SRRM4: variants seen among roughly 807,000 people sequenced by gnomAD.
SRRM4 encodes the protein serine/arginine repetitive matrix 4.
A neutral mutation model predicts 68.9 loss-of-function variants in SRRM4; 33 were observed. The ratio of observed to expected loss-of-function variants is 0.48; its 90% CI spans 0.36 to 0.64. SRRM4 has a LOEUF of 0.64. Among genes scored for constraint, SRRM4 ranks in the 30% least tolerant of loss-of-function variants. The pLI, the probability that SRRM4 is intolerant of heterozygous loss-of-function variation, is 0.00. For synonymous variants in SRRM4, 318 were observed against 318.8 expected, an observed-to-expected ratio of 1.00 and a Z score of 0.03; for missense variants, 817 against 827.1, an observed-to-expected ratio of 0.99 and a Z score of 0.15.
chr12:119,112,529 G>C (rs1954151231), intron 2 of SRRM4, among the ~76,000 whole-genome samples: 1 of 152,174 alleles, frequency 6.6e-6, no homozygotes, highest in African/African-American at 2.4e-5. Flanking sequence ...ATTCACAATA[G>C]CAAAGACATG....
At chr12:119,122,276 C>CAGGAAGGA (rs1291077232) in intron 6 of SRRM4, among the ~76,000 whole-genome samples, 156 bp downstream of exon 6, 4 of 87,568 alleles carry the variant, frequency 4.6e-5, no homozygotes, top group African/African-American at 1.3e-4. Flanking sequence ...GGCAGGAAGG[C>CAGGAAGGA]AGGAAGGCAG....
At chr12:119,155,748 TTAATA>T (rs746263550) in intron 12 of SRRM4, among the ~76,000 whole-genome samples, 1 of 152,166 alleles carries the variant, frequency 6.6e-6, no homozygotes, top group African/African-American at 2.4e-5. Flanking sequence ...AAAAATGTAA[TTAATA>T]TAATATAATA....
intron 8 of SRRM4, among the ~76,000 whole-genome samples, chr12:119,135,610 C>T (rs1954323282): frequency 6.6e-6 from 1 of 152,180 alleles, no homozygotes; most frequent in Admixed American, 6.5e-5. Flanking sequence ...ACCTGCCATG[C>T]ACCAGGTGTT....
intron 1 of SRRM4, among the ~76,000 whole-genome samples, chr12:119,005,448 G>A (rs935968587): frequency 6.6e-6 from 1 of 152,148 alleles, no homozygotes; most frequent in African/African-American, 2.4e-5. Context: ...AATTAATCTC[G>A]GAAGAGACCT....
intron 3 of SRRM4, 142 bp from the exon 4 acceptor site, chr12:119,116,795 C>G (rs750798557): frequency 1.5e-5 from 9 of 582,720 alleles, no homozygotes; most frequent in Non-Finnish European, 2.4e-5. Flanking sequence ...CAAATGCAAG[C>G]TAGTATCAGC....
intron 1 of SRRM4, among the ~76,000 whole-genome samples, chr12:119,016,167 A>G (rs1953479722): frequency 6.6e-6 from 1 of 152,208 alleles, no homozygotes; most frequent in Admixed American, 6.5e-5. Context: ...CAGAAGCTGG[A>G]AGAAGCAAAA....
In SRRM4 at chr12:119,154,683, C is replaced by G. The variant is rs2136070507; in HGVS notation, c.1532+300C>G. Among the ~76,000 whole-genome samples, 1 of 152,106 alleles carries G rather than the reference C, an allele frequency of 6.6e-6. No homozygotes were observed. Reference sequence around the variant, plus strand: ...TGGAGCTGGGGCCGGGGAGGTGGAGCTGGGGCCGGGGAGGCGGAGCTGGGG... The same window carrying G: ...TGGAGCTGGGGCCGGGGAGGTGGAGGTGGGGCCGGGGAGGCGGAGCTGGGG... On this transcript the variant is annotated intron_variant, in intron 12 of 12. Coordinates refer to ENST00000267260, the MANE Select transcript of SRRM4 (RefSeq NM_194286.4). The surrounding 1 kb of genome is among the most constrained non-coding windows in gnomAD (Gnocchi z 4.7).
chr12:119,091,505 G>T (rs1954014213), intron 1 of SRRM4, among the ~76,000 whole-genome samples: 1 of 152,172 alleles, frequency 6.6e-6, no homozygotes, highest in African/African-American at 2.4e-5. Flanking sequence ...GGCAATCTTT[G>T]CAAGTGAGGC....
intron 1 of SRRM4, among the ~76,000 whole-genome samples, chr12:118,999,933 G>T (rs929653561): frequency 2.0e-5 from 3 of 152,180 alleles, no homozygotes; most frequent in Non-Finnish European, 4.4e-5. Context: ...CTAAGTAGAA[G>T]AAGTACTATG....
At chr12:119,012,254 C>T (rs1283584529) in intron 1 of SRRM4, among the ~76,000 whole-genome samples, 2 of 152,152 alleles carry the variant, frequency 1.3e-5, no homozygotes, top group African/African-American at 4.8e-5. Context: ...AGGGCCACTT[C>T]CTTAAGATAG....
At chr12:119,137,376 G>A (rs1368604507) in intron 8 of SRRM4, among the ~76,000 whole-genome samples, 1 of 152,098 alleles carries the variant, frequency 6.6e-6, no homozygotes, top group Admixed American at 6.5e-5. Flanking sequence ...TAAGTGAGAG[G>A]TTGCCTTTTT....
chr12:118,992,062 G>T (rs1298743271), intron 1 of SRRM4: 1 of 152,186 alleles, frequency 6.6e-6, no homozygotes, highest in East Asian at 1.9e-4. Context: ...TTGGGGTTTT[G>T]TTCTCAGCAT....
At position 119,154,738 on chromosome 12, in the gene SRRM4, G is replaced by T. The variant is rs1267780387; in HGVS notation, c.1532+355G>T. 1.3e-5 allele frequency among the ~76,000 whole-genome samples: 2 copies of T among 152,220 alleles called. No individual in the cohort carries two copies. The highest frequency in any genetic ancestry group is 1.3e-4 in the Admixed American group (2 of 15,288). ...GAGTGGCGTCAGGCCAGGGAATGGA[G>T]GCCAAAGCAATGGAGCAGGACCTTG... On this transcript the variant is annotated intron_variant, in intron 12 of 12. Transcript: ENST00000267260. This position sits in a 1 kb window ranked among gnomAD's most constrained non-coding sequence, Gnocchi z 4.7.
chr12:119,098,694 C>T (rs1470412393), intron 1 of SRRM4, among the ~76,000 whole-genome samples: 1 of 152,168 alleles, frequency 6.6e-6, no homozygotes, highest in Non-Finnish European at 1.5e-5. Flanking sequence ...AGCTTGCTCC[C>T]TACTCTACCT....
intron 1 of SRRM4, among the ~76,000 whole-genome samples, chr12:119,025,738 C>G (rs58472164): frequency 6.6e-6 from 1 of 151,972 alleles, no homozygotes; most frequent in African/African-American, 2.4e-5. Context: ...GCCACTGTGC[C>G]GGTCTCATAT....
rs764774686 is a variant in SRRM4 at position 119,122,031 on chromosome 12, AT to A, written c.465-35del. ...AACTACTTGTTTATCTTTAACTAGA[AT>A]TTTGCATCTTTCAATTAATTGACCA... On this transcript the variant is annotated intron_variant, in intron 5 of 12. Transcript: ENST00000267260. 7.9e-6 allele frequency: 11 copies of A among 1,400,906 alleles called. No homozygotes were observed. In the Admixed American group the frequency reaches 1.3e-4, roughly 17 times the overall value. The allele number at this position is 1,400,906 out of a possible 1,614,324, so 86.8% of individuals were successfully genotyped here. A position where few individuals can be genotyped will look rare whatever the true frequency, so the allele number is the denominator to read the frequency against.
intron 1 of SRRM4, among the ~76,000 whole-genome samples, chr12:118,987,568 G>A (rs1192169284): frequency 2.0e-5 from 3 of 152,122 alleles, no homozygotes; most frequent in Non-Finnish European, 4.4e-5. Context: ...AAATGCTTAC[G>A]GGCTATGAGA....
At chr12:119,036,603 T>A (rs61937967) in intron 1 of SRRM4, among the ~76,000 whole-genome samples, 20,701 of 152,146 alleles carry the variant, frequency 0.14, 1,468 homozygotes, top group East Asian at 0.26. Context: ...CAGTGGCAGT[T>A]TGAGGACCAC....
intron 1 of SRRM4, among the ~76,000 whole-genome samples, chr12:119,058,250 T>C (rs946396207): frequency 6.6e-6 from 1 of 152,178 alleles, no homozygotes; most frequent in Non-Finnish European, 1.5e-5. Context: ...TTAACACTAA[T>C]AATACTAAGT....
Sources: allele counts gnomAD v4.1 joint callset (sites outside exome capture counted in the v4.1 genomes callset), GRCh38; gene constraint gnomAD v4.1.1; non-coding constraint Gnocchi (gnomAD v3.1); transcripts MANE v1.5; gene names NCBI Gene and HGNC (gene_info 2026-07-23, HGNC 2026-07-21).